The following EYS variants were observed in gnomAD, a reference collection of about 807,000 sequenced individuals.
The protein encoded by EYS is protein eyes shut homolog.
A neutral mutation model predicts 282.1 loss-of-function variants in EYS; 250 were observed. The ratio of observed to expected loss-of-function variants is 0.89; its 90% CI spans 0.80 to 0.98. EYS has a LOEUF of 0.98. EYS is among the 50% of genes least tolerant of loss of function. The pLI is 0.00. For synonymous variants in EYS, 1,355 were observed against 1,282.9 expected (o/e 1.06, Z -1.20); for missense variants, 4,016 against 3,709.0 (o/e 1.08, Z -2.15).
intron 31 of EYS, among the ~76,000 whole-genome samples, chr6:64,193,908 CA>C (rs1384988114): frequency 7.2e-5 from 11 of 152,228 alleles, no homozygotes; most frequent in Admixed American, 2.6e-4. Flanking sequence ...CATTGATGGA[CA>C]TTTGGGTTGG....
intron 25 of EYS, 93 bp downstream of exon 25, chr6:64,593,024 A>G (rs1766459551): frequency 6.2e-6 from 5 of 800,020 alleles, no homozygotes; most frequent in Non-Finnish European, 8.1e-6. Flanking sequence ...GTATCTCAGA[A>G]AAAAAAAAGA....
At chr6:64,371,082 T>G (rs1318571594) in intron 29 of EYS, among the ~76,000 whole-genome samples, 2 of 152,060 alleles carry the variant, frequency 1.3e-5, no homozygotes, top group African/African-American at 4.8e-5. Context: ...GCTCTTGTTT[T>G]TCTAGTTCCT....
chr6:65,003,943 T>G (rs1216318519), intron 13 of EYS, among the ~76,000 whole-genome samples: 1 of 147,386 alleles, frequency 6.8e-6, no homozygotes. Flanking sequence ...AATTACCCAT[T>G]TTAGGCATGT....
chr6:64,293,679 A>AT (rs1562291286), intron 30 of EYS, among the ~76,000 whole-genome samples: 1 of 152,122 alleles, frequency 6.6e-6, no homozygotes, highest in South Asian at 2.1e-4. Context: ...TTAACAAAGT[A>AT]TTTTTTAAAA....
At chr6:65,266,989 T>TAGAGAGAGAG (rs1554173094) in intron 12 of EYS, among the ~76,000 whole-genome samples, 1,896 of 142,092 alleles carry the variant, frequency 0.013, 17 homozygotes, top group Middle Eastern at 0.028. Flanking sequence ...TATATATATA[T>TAGAGAGAGAG]AGAGAGAGAG....
intron 22 of EYS, among the ~76,000 whole-genome samples, chr6:64,640,477 C>A (rs1386673687): frequency 6.6e-6 from 1 of 151,598 alleles, no homozygotes; most frequent in East Asian, 1.9e-4. Context: ...GGACAAGAAA[C>A]CAAACACCAC....
chr6:64,569,846 A>C (rs1223479965), intron 26 of EYS, among the ~76,000 whole-genome samples: 1 of 152,216 alleles, frequency 6.6e-6, no homozygotes, highest in African/African-American at 2.4e-5. Flanking sequence ...TGAGGGGGAG[A>C]ATGGAACCAA....
In EYS at chr6:64,251,999, C is replaced by T. The variant is rs146795623; in HGVS notation, c.6192-21175G>A. Among the ~76,000 whole-genome samples, 273 of 152,226 alleles carry T rather than the reference C, an allele frequency of 1.8e-3. 1 individual carries two copies. The highest frequency in any genetic ancestry group is 3.4e-3 in the Admixed American group (52 of 15,278). ...AGTATGTGAAAAAGTGTAAAAAATT[C>T]TCAGTACTGGCAACTGGAAAATGTA... On this transcript the variant is annotated intron_variant, in intron 30 of 42. Transcript: ENST00000503581.
chr6:64,174,003 A>C (rs187950722), intron 31 of EYS, among the ~76,000 whole-genome samples: 1 of 152,178 alleles, frequency 6.6e-6, no homozygotes, highest in Non-Finnish European at 1.5e-5. Flanking sequence ...AAGGAAGGAA[A>C]TCTTGCCATA....
chr6:64,022,797 CA>C (rs1231973476), intron 33 of EYS, among the ~76,000 whole-genome samples: 1 of 152,204 alleles, frequency 6.6e-6, no homozygotes, highest in African/African-American at 2.4e-5. Flanking sequence ...AAACTAGTGC[CA>C]ATGAATTTTC....
At chr6:63,756,251 A>ATT (rs1192331619) in intron 41 of EYS, among the ~76,000 whole-genome samples, 1 of 152,056 alleles carries the variant, frequency 6.6e-6, no homozygotes, top group African/African-American at 2.4e-5. Context: ...TCAGTATGAT[A>ATT]TTGTCTGTGG....
intron 41 of EYS, among the ~76,000 whole-genome samples, chr6:63,747,641 G>A (rs757286133): frequency 4.6e-5 from 7 of 152,180 alleles, no homozygotes; most frequent in Non-Finnish European, 1.0e-4. Context: ...TGCATTGGGT[G>A]TATAAATACT....
chr6:65,316,917 G>A (rs1408188726), intron 11 of EYS, among the ~76,000 whole-genome samples: 2 of 152,090 alleles, frequency 1.3e-5, no homozygotes, highest in African/African-American at 2.4e-5. Flanking sequence ...CTTTGCTATT[G>A]TGAACAGTGC....
At chr6:65,470,555 T>C (rs1005793375) in intron 5 of EYS, among the ~76,000 whole-genome samples, 4 of 152,284 alleles carry the variant, frequency 2.6e-5, no homozygotes, top group Admixed American at 6.5e-5. Flanking sequence ...ATACAATATA[T>C]TGTCACTAAC....
intron 13 of EYS, among the ~76,000 whole-genome samples, chr6:65,031,646 A>G (rs1772608884): frequency 6.6e-6 from 1 of 152,198 alleles, no homozygotes; most frequent in African/African-American, 2.4e-5. Context: ...GTAAACAATG[A>G]AAGTAAGGCA....
chr6:63,971,999 T>C (rs1766599417), intron 35 of EYS, among the ~76,000 whole-genome samples: 2 of 152,206 alleles, frequency 1.3e-5, no homozygotes, highest in South Asian at 4.1e-4. Context: ...CTTCTAAAAG[T>C]AGAAACAAAT....
intron 31 of EYS, among the ~76,000 whole-genome samples, chr6:64,225,926 C>T (rs1252609590): frequency 6.6e-6 from 1 of 152,160 alleles, no homozygotes; most frequent in African/African-American, 2.4e-5. Flanking sequence ...CTCAGTATTT[C>T]AGCCATTGTC....
chr6:65,040,611 A>T (rs1358893282), intron 13 of EYS, among the ~76,000 whole-genome samples: 1 of 151,684 alleles, frequency 6.6e-6, no homozygotes, highest in Non-Finnish European at 1.5e-5. Context: ...TTTAGCACAT[A>T]GTATACTCAC....
chr6:64,742,669 G>A (rs1399801955), intron 22 of EYS, among the ~76,000 whole-genome samples: 1 of 152,080 alleles, frequency 6.6e-6, no homozygotes, highest in East Asian at 1.9e-4. Context: ...GGGTTCACAG[G>A]TGCATACTTA....
Sources: gnomAD v4.1 joint callset for allele counts (sites outside exome capture counted in the v4.1 genomes callset) on GRCh38, gnomAD v4.1.1 for gene constraint, MANE v1.5 for transcripts, NCBI Gene and HGNC (gene_info 2026-07-23, HGNC 2026-07-21) for gene names.